Variants in SGSH observed in about 807,000 individuals in gnomAD.
SGSH encodes heparan sulfate sulfatase.
In SGSH, 48 loss-of-function variants were observed where a neutral mutation model predicts 51.0. The ratio of observed to expected loss-of-function variants is 0.94; its 90% CI spans 0.75 to 1.20. The LOEUF is 1.20. Among genes scored for constraint, SGSH ranks in the 50% most tolerant of loss-of-function variants. The probability of loss-of-function intolerance (pLI) is 0.00; values close to 1 mark genes in which losing one functional copy is unlikely to be tolerated. For synonymous variants in SGSH, 321 were observed against 313.4 expected (o/e 1.02, Z -0.26); for missense variants, 662 against 717.8 (o/e 0.92, Z 0.89).
chr17:80,206,267 C>A (rs1427218246), downstream of SGSH, among the ~76,000 whole-genome samples: 1 of 134,050 alleles, frequency 7.5e-6, no homozygotes, highest in Admixed American at 7.5e-5. Flanking sequence ...GAGTTCAAGA[C>A]CAGCCTGAGC....
At chr17:80,211,310 GC>G in intron 7 of SGSH, 2 of 592,756 alleles carry the variant, frequency 3.4e-6, no homozygotes, top group African/African-American at 1.9e-5. Context: ...GGTGGGTGTG[GC>G]CACAGTGCTC....
At chr17:80,211,212 T>C in intron 7 of SGSH, 1 of 1,419,086 alleles carries the variant, frequency 7.0e-7, no homozygotes, top group Non-Finnish European at 9.3e-7. Flanking sequence ...CAAGAGGCCC[T>C]GATTCGGTGA....
rs9896702 is a variant in SGSH, at chr17:80,213,112, C to G, written c.745+692G>C. 6.6e-6 allele frequency: 1 copy of G among 151,066 alleles called. No individual in the cohort carries two copies. Among genetic ancestry groups the G allele is most frequent in the African/African-American group, 2.4e-5 (1 of 40,822 alleles). The allele number at this position is 151,066 out of a possible 1,614,324, so 9.4% of individuals were successfully genotyped here. On this transcript the variant is annotated intron_variant, in intron 6 of 7. Coordinates refer to ENST00000326317, the MANE Select transcript of SGSH (RefSeq NM_000199.5). This position sits in a 1 kb window ranked among gnomAD's most constrained non-coding sequence, Gnocchi z 4.6. ...TGGAGGCTGAGACAGAAAAATCGCT[C>G]GAACCTGGGAGGTGGTGGTTGTAGT...
the SGSH span, chr17:80,201,577 C>A: frequency 1.4e-6 from 1 of 699,748 alleles, no homozygotes; most frequent in Non-Finnish European, 2.5e-6. The surrounding 1 kb of genome is among the most constrained non-coding windows in gnomAD (Gnocchi z 5.0). Context: ...GGTGTGAAGG[C>A]CCCACAGAGG....
rs1185258529 is a variant in SGSH at position 80,215,081 on chromosome 17, T to C, written c.307A>G (p.Lys103Glu). 1.2e-6 allele frequency: 2 copies of C among 1,612,236 alleles called. No homozygotes were observed. The highest frequency in any genetic ancestry group is 8.5e-7 in the Non-Finnish European group (1 of 1,179,974). Residue 103 changes from lysine to glutamate, a missense_variant, in exon 3 of 8, where the codon AAG becomes GAG. By Grantham distance (56) the Lys-to-Glu change is moderately conservative (BLOSUM62 1). Coordinates refer to ENST00000326317, the MANE Select transcript of SGSH (RefSeq NM_000199.5). ...AGCAGCAGCGGCAGGCTCCGCACCT[T>C]GTCGAAGGAGTTGAAGTGGTGCACG... Reference protein sequence around the residue: ...QDVHHFNSFDKVRSLPLLLSQ... With the variant: ...QDVHHFNSFDEVRSLPLLLSQ...
downstream of SGSH, chr17:80,208,026 C>T (rs754302433): frequency 2.2e-4 from 169 of 752,032 alleles, no homozygotes; most frequent in Non-Finnish European, 3.2e-4. Flanking sequence ...CCCCTCAAAG[C>T]GAGGCCACCT....
At chr17:80,201,950 C>T (rs1307316161), downstream of SGSH, 14 of 1,495,732 alleles carry the variant, frequency 9.4e-6, no homozygotes, top group East Asian at 4.5e-5. This position sits in a 1 kb window ranked among gnomAD's most constrained non-coding sequence, Gnocchi z 5.0. Context: ...TTCTTCTGCA[C>T]GCCCAGCAGC....
intron 1 of SGSH, among the ~76,000 whole-genome samples, chr17:80,218,993 C>T (rs2042008881): frequency 6.6e-6 from 1 of 151,698 alleles, no homozygotes; most frequent in African/African-American, 2.4e-5. Flanking sequence ...GACCTTGTCT[C>T]TACAAAAAAT....
chr17:80,211,041 A>AG (rs1263123885), intron 7 of SGSH, 30 bp from the exon 8 acceptor site: 10 of 1,597,640 alleles, frequency 6.3e-6, no homozygotes, highest in Non-Finnish European at 8.5e-6. Flanking sequence ...TCAGAGCAGC[A>AG]GAGCCCTCAG....
Position 80,215,647 on chromosome 17 carries a change from C to T in SGSH, c.250-509G>A, listed in dbSNP as rs570250138. 1.6e-4 allele frequency among the ~76,000 whole-genome samples: 25 copies of T among 152,136 alleles called. 1 individual carries two copies. In the South Asian group the frequency reaches 2.9e-3, roughly 18 times the overall value. The stretch of plus-strand genomic sequence containing the variant: ...CAGCCTGGCCAACATGGTGAAACCT[C>T]GTCTCTACTAAAAATACAAAAATTA... On this transcript the variant is annotated intron_variant, in intron 2 of 7. Coordinates refer to ENST00000326317, the MANE Select transcript of SGSH (RefSeq NM_000199.5).
chr17:80,215,891 C>A (rs184748949), intron 2 of SGSH, among the ~76,000 whole-genome samples: 28 of 152,286 alleles, frequency 1.8e-4, no homozygotes, highest in African/African-American at 6.3e-4. Context: ...AACCCAAGTG[C>A]CCACTGACGG....
chr17:80,201,424 T>C, the SGSH span: 8 of 341,868 alleles, frequency 2.3e-5, no homozygotes, highest in Admixed American at 3.7e-4. This position sits in a 1 kb window ranked among gnomAD's most constrained non-coding sequence, Gnocchi z 5.0. Context: ...CTCTTGAATG[T>C]TCTAGAACCG....
At chr17:80,208,119 C>T (rs111745899), downstream of SGSH, 17 of 1,501,190 alleles carry the variant, frequency 1.1e-5, no homozygotes, top group East Asian at 2.5e-5. Context: ...CCCGCCCCCC[C>T]CAACTCTGGC....
At position 80,215,188 on chromosome 17, in the gene SGSH, G is replaced by A. The variant is rs750902768; in HGVS notation, c.250-50C>T. On this transcript the variant is annotated intron_variant, in intron 2 of 7. Transcript: ENST00000326317. ...CGGGGCCCCCGGACAGCCAGAGCCC[G>A]CCTGCCGCACCTGTTCTCCCACGGC... The A allele has an allele frequency of 2.7e-4, 373 of 1,371,094 alleles. 3 individuals carry two copies. The highest frequency in any genetic ancestry group is 1.3e-3 in the Admixed American group (73 of 55,108). 84.9% of individuals were successfully genotyped at this position (1,371,094 alleles called of 1,614,324 possible).
In SGSH at chr17:80,212,572, C is replaced by T. The variant is rs1229102262; in HGVS notation, c.746-298G>A. On this transcript the variant is annotated intron_variant, in intron 6 of 7. Coordinates refer to ENST00000326317, the MANE Select transcript of SGSH (RefSeq NM_000199.5). The surrounding 1 kb of genome is among the most constrained non-coding windows in gnomAD (Gnocchi z 5.9). ...CCTGGTGCCCGCCGGCTTTTGAGTT[C>T]TCCGGAATCTCGTGTCTGTCCCATG... The T allele has an allele frequency of 2.1e-6, 1 of 471,746 alleles. No homozygotes were observed. The highest frequency in any genetic ancestry group is 3.9e-6 in the Non-Finnish European group (1 of 255,118). 29.2% of individuals were successfully genotyped at this position (471,746 alleles called of 1,614,324 possible). A position where few individuals can be genotyped will look rare whatever the true frequency, so the allele number is the denominator to read the frequency against.
chr17:80,209,329 A>G lies in SGSH; in HGVS notation c.*1123T>C. 1.0e-6 allele frequency: 1 copy of G among 985,408 alleles called. No individual in the cohort carries two copies. Among genetic ancestry groups the G allele is most frequent in the Non-Finnish European group, 1.2e-6 (1 of 829,910 alleles). 61.0% of individuals were successfully genotyped at this position (985,408 alleles called of 1,614,324 possible). A position where few individuals can be genotyped will look rare whatever the true frequency, so the allele number is the denominator to read the frequency against. The stretch of plus-strand genomic sequence containing the variant: ...TTTACTAAAATAAAAAGCTTTTACA[A>G]TAGCTGGCCTGTGGCCTCCTCCAGC... On this transcript the variant is annotated 3_prime_UTR_variant, in exon 8 of 8. Coordinates refer to ENST00000326317, the MANE Select transcript of SGSH (RefSeq NM_000199.5).
chr17:80,210,968 G>A lies in SGSH; in HGVS notation c.993C>T (p.Pro331=), dbSNP rs934982826. 1.3e-5 allele frequency: 21 copies of A among 1,600,922 alleles called. No individual in the cohort carries two copies. In the Middle Eastern group the frequency reaches 6.6e-4, roughly 50 times the overall value. The change falls in exon 8 of 8, where the codon CCC becomes CCT. Residue 331 remains proline (P), a synonymous_variant. Transcript: ENST00000326317. The part of the protein sequence containing the change: ...TILDWFSIPY[P]SYAIFGSKTI... Reference sequence around the variant, plus strand: ...TCTTCGAGCCAAAGATGGCGTAGCTGGGGTACGGGATCGAGAACCAATCCA... The same window carrying A: ...TCTTCGAGCCAAAGATGGCGTAGCTAGGGTACGGGATCGAGAACCAATCCA...
downstream of SGSH, chr17:80,202,301 C>G: frequency 6.2e-7 from 1 of 1,613,762 alleles, no homozygotes; most frequent in Non-Finnish European, 8.5e-7. Context: ...TGCATTGCAA[C>G]GAGGTCCTGC....
intron 2 of SGSH, 181 bp downstream of exon 2, chr17:80,216,851 G>T: frequency 1.6e-6 from 1 of 625,490 alleles, no homozygotes; most frequent in Non-Finnish European, 2.8e-6. Context: ...AGGGCTGGCG[G>T]GTGAGTCGGA....
Sources: gnomAD v4.1 joint callset for allele counts (sites outside exome capture counted in the v4.1 genomes callset) on GRCh38, gnomAD v4.1.1 for gene constraint, Gnocchi (gnomAD v3.1) non-coding constraint, MANE v1.5 for transcripts, NCBI Gene and HGNC (gene_info 2026-07-23, HGNC 2026-07-21) for gene names.